The following TMEM39A variants were observed in gnomAD, a reference collection of about 807,000 sequenced individuals.
TMEM39A encodes the protein suppressor of SQST-1 aggregates in rpl-43 mutants.
A neutral mutation model predicts 51.9 loss-of-function variants in TMEM39A; 19 were observed. The ratio of observed to expected loss-of-function variants is 0.37; its 90% CI spans 0.26 to 0.54. The LOEUF is 0.54. TMEM39A is among the 20% of genes least tolerant of loss of function. The pLI is 0.88. For missense variants in TMEM39A, 433 were observed against 590.5 expected (o/e 0.73, Z 2.76); for synonymous variants, 197 against 220.2 (o/e 0.89, Z 0.93).
At chr3:119,450,788 T>TCC (rs1218522833) in intron 4 of TMEM39A, among the ~76,000 whole-genome samples, 1 of 118,836 alleles carries the variant, frequency 8.4e-6, no homozygotes, top group Non-Finnish European at 1.6e-5. Context: ...ACCACTGTGC[T>TCC]CCTGCTTCAA....
chr3:119,448,215 A>C (rs199551328), intron 4 of TMEM39A, among the ~76,000 whole-genome samples: 2 of 152,214 alleles, frequency 1.3e-5, no homozygotes, highest in East Asian at 3.8e-4. Context: ...TCAATCGCAA[A>C]TCTTTAAAAC....
chr3:119,452,989 A>G (rs1415709048), intron 3 of TMEM39A, among the ~76,000 whole-genome samples: 1 of 152,224 alleles, frequency 6.6e-6, no homozygotes, highest in Non-Finnish European at 1.5e-5. Flanking sequence ...TAGATGGTAC[A>G]TCAATTATAC....
chr3:119,457,998 A>T lies in TMEM39A; in HGVS notation c.336+20T>A, dbSNP rs376460072. On this transcript the variant is annotated intron_variant, in intron 3 of 8. Transcript: ENST00000319172. ...CTTGGGTAAGTAACATGAAGAACTT[A>T]AAGTCTGAGTAAGACTTACCAGTGA... 6.3e-7 allele frequency: 1 copy of T among 1,576,594 alleles called. No individual in the cohort carries two copies. The highest frequency in any genetic ancestry group is 1.7e-4 in the Middle Eastern group (1 of 5,968).
intron 4 of TMEM39A, among the ~76,000 whole-genome samples, chr3:119,447,706 C>CCTCTG (rs1215535359): frequency 6.6e-6 from 1 of 152,008 alleles, no homozygotes; most frequent in Non-Finnish European, 1.5e-5. Context: ...CTCACTGCAA[C>CCTCTG]CTCTGCCTCC....
At chr3:119,434,954 G>C in intron 7 of TMEM39A, 72 bp from the exon 8 acceptor site, 1 of 1,541,638 alleles carries the variant, frequency 6.5e-7, no homozygotes, top group Non-Finnish European at 8.8e-7. Flanking sequence ...AAGGCCAGCT[G>C]TATTTTTATG....
At chr3:119,445,599 A>G (rs930929063) in intron 5 of TMEM39A, among the ~76,000 whole-genome samples, 8 of 152,190 alleles carry the variant, frequency 5.3e-5, no homozygotes, top group African/African-American at 1.9e-4. Context: ...CCTCAAAAGA[A>G]AAAAAAGCTG....
intron 4 of TMEM39A, among the ~76,000 whole-genome samples, chr3:119,447,967 C>T (rs981830729): frequency 1.1e-4 from 16 of 152,112 alleles, no homozygotes; most frequent in African/African-American, 2.4e-5. Context: ...TGTCTTACTT[C>T]CCACTAAACT....
intron 1 of TMEM39A, among the ~76,000 whole-genome samples, chr3:119,462,500 A>C (rs1225954183): frequency 6.6e-6 from 1 of 152,112 alleles, no homozygotes; most frequent in Non-Finnish European, 1.5e-5. Context: ...GAAATATAGA[A>C]GAATTGGCAC....
chr3:119,449,635 C>G (rs1290560635), intron 4 of TMEM39A, among the ~76,000 whole-genome samples: 1 of 151,890 alleles, frequency 6.6e-6, no homozygotes, highest in African/African-American at 2.4e-5. Flanking sequence ...CCCCACCCCC[C>G]AAAAAAAGTG....
At chr3:119,439,352 G>A (rs962433590) in intron 5 of TMEM39A, among the ~76,000 whole-genome samples, 2 of 152,058 alleles carry the variant, frequency 1.3e-5, no homozygotes, top group African/African-American at 4.8e-5. Flanking sequence ...AGGCCAAGGC[G>A]AGCAGGTCAC....
At chr3:119,446,083 G>A (rs1200096101) in intron 5 of TMEM39A, among the ~76,000 whole-genome samples, 1 of 152,094 alleles carries the variant, frequency 6.6e-6, no homozygotes, top group East Asian at 1.9e-4. Context: ...TACATTAAGA[G>A]ATTAATAATA....
intron 3 of TMEM39A, among the ~76,000 whole-genome samples, chr3:119,456,441 T>C (rs2081265503): frequency 6.6e-6 from 1 of 152,212 alleles, no homozygotes; most frequent in South Asian, 2.1e-4. Context: ...TACAAATATT[T>C]AAAACAAAAA....
At chr3:119,445,164 C>T (rs1000677429) in intron 5 of TMEM39A, among the ~76,000 whole-genome samples, 2 of 152,096 alleles carry the variant, frequency 1.3e-5, no homozygotes, top group African/African-American at 4.8e-5. Context: ...ATGTGTAACG[C>T]TCTGAAGTCT....
At chr3:119,457,753 A>G (rs1043208659) in intron 3 of TMEM39A, among the ~76,000 whole-genome samples, 1 of 152,220 alleles carries the variant, frequency 6.6e-6, no homozygotes. Flanking sequence ...AGAGAAAACT[A>G]AATACCAAAA....
Position 119,432,132 on chromosome 3 carries a change from A to G in TMEM39A, c.1316T>C (p.Leu439Ser). 1 of 1,613,394 alleles carries G rather than the reference A, an allele frequency of 6.2e-7. No individual in the cohort carries two copies. Among genetic ancestry groups the G allele is most frequent in the Non-Finnish European group, 8.5e-7 (1 of 1,179,530 alleles). The change falls in exon 9 of 9, where the codon TTG becomes TCG. Residue 439 changes from leucine to serine, a missense_variant. Around this residue, in one of 3 missense-constraint regions of TMEM39A, gnomAD observed 223 missense variants for 328.1 expected, o/e 0.68. Transcript: ENST00000319172. ...GSVVFYQLYS[L>S]LRSEKWNHTL... ...GTGGTTCCACTTCTCCGACCGCAGC[A>G]AGGAATAGAGCTGATAGAAGACGAC...
At chr3:119,451,691 G>A (rs966588875) in intron 4 of TMEM39A, among the ~76,000 whole-genome samples, 1 of 151,782 alleles carries the variant, frequency 6.6e-6, no homozygotes, top group South Asian at 2.1e-4. Context: ...TTAGCCAGGC[G>A]TGGTGGCGCA....
chr3:119,438,576 T>C (rs1431871568), intron 5 of TMEM39A, among the ~76,000 whole-genome samples: 1 of 152,246 alleles, frequency 6.6e-6, no homozygotes, highest in Non-Finnish European at 1.5e-5. Context: ...AATATTTTTC[T>C]ATAGAAATTT....
intron 3 of TMEM39A, among the ~76,000 whole-genome samples, chr3:119,453,544 G>A (rs1315003948): frequency 2.0e-5 from 3 of 152,184 alleles, no homozygotes; most frequent in South Asian, 2.1e-4. Context: ...AAAGTAATAC[G>A]CACAACTTCT....
chr3:119,437,689 A>C (rs1349331099), intron 6 of TMEM39A, 66 bp downstream of exon 6: 13 of 1,310,780 alleles, frequency 9.9e-6, no homozygotes, highest in Middle Eastern at 3.8e-4. Flanking sequence ...ATTAAACAAG[A>C]AATACCCAGT....
Sources: allele counts gnomAD v4.1 joint callset (sites outside exome capture counted in the v4.1 genomes callset), GRCh38; gene constraint gnomAD v4.1.1; regional missense constraint gnomAD v4.1.1; transcripts MANE v1.5; gene names NCBI Gene and HGNC (gene_info 2026-07-23, HGNC 2026-07-21).